BARD1: variants seen among roughly 807,000 people sequenced by gnomAD.
BARD1 encodes BRCA1-associated RING domain protein 1.
In BARD1, 73 loss-of-function variants were observed where a neutral mutation model predicts 77.0. The ratio of observed to expected loss-of-function variants is 0.95; its 90% confidence interval spans 0.79 to 1.15. The LOEUF is 1.15. Among genes scored for constraint, BARD1 ranks in the 50% most tolerant of loss-of-function variants. The probability of loss-of-function intolerance (pLI) is 0.00; values close to 1 mark genes in which losing one functional copy is unlikely to be tolerated. For missense variants in BARD1, 993 were observed against 938.8 expected (o/e 1.06, Z -0.75); for synonymous variants, 384 against 338.0 (o/e 1.14, Z -1.49).
Position 214,728,304 on chromosome 2 carries a change from C to CA in BARD1, c.*371dup. 5.3e-6 allele frequency: 1 copy of CA among 189,654 alleles called. No homozygotes were observed. The highest frequency in any genetic ancestry group is 1.0e-5 in the Non-Finnish European group (1 of 100,080). The allele number at this position is 189,654 out of a possible 1,614,324, so 11.7% of individuals were successfully genotyped here. On this transcript the variant is annotated 3_prime_UTR_variant, in exon 11 of 11. Transcript: ENST00000260947. ...ACTAAAAAAAAAAAAAAAAAAAAGG[C>CA]AAGTTTTTTCACTGGTGGCAGGTAT... is the stretch of plus-strand genomic sequence containing the variant.
chr2:214,741,451 C>A (rs1692823508), intron 9 of BARD1, among the ~76,000 whole-genome samples: 1 of 152,092 alleles, frequency 6.6e-6, no homozygotes, highest in African/African-American at 2.4e-5. Context: ...TAGTTTGCAT[C>A]TTTAGGATAC....
At chr2:214,788,324 T>C (rs957082249) in intron 3 of BARD1, among the ~76,000 whole-genome samples, 1 of 152,054 alleles carries the variant, frequency 6.6e-6, no homozygotes, top group Non-Finnish European at 1.5e-5. Flanking sequence ...GAAGATCATG[T>C]TATAAAGGAT....
intron 6 of BARD1, among the ~76,000 whole-genome samples, chr2:214,764,124 A>G (rs550033235): frequency 6.6e-6 from 1 of 152,222 alleles, no homozygotes; most frequent in African/African-American, 2.4e-5. Flanking sequence ...GTCACACAGT[A>G]AAGGTAGTGG....
intron 7 of BARD1, among the ~76,000 whole-genome samples, chr2:214,749,056 G>A (rs1410182743): frequency 6.6e-6 from 1 of 152,180 alleles, no homozygotes; most frequent in Non-Finnish European, 1.5e-5. Context: ...ACCAGGGGAA[G>A]GGGGTTAGAC....
intron 4 of BARD1, among the ~76,000 whole-genome samples, chr2:214,772,035 T>C (rs1033931688): frequency 6.6e-6 from 1 of 151,720 alleles, no homozygotes; most frequent in Non-Finnish European, 1.5e-5. Flanking sequence ...GGCATGATCA[T>C]AGCTCACTGT....
In BARD1 at chr2:214,728,979, G is replaced by A. The variant is rs573443019; in HGVS notation, c.2031C>T (p.Phe677=). 1.2e-6 allele frequency: 2 copies of A among 1,614,118 alleles called. No homozygotes were observed. The highest frequency in any genetic ancestry group is 1.7e-5 in the Admixed American group (1 of 60,014). The part of the protein sequence containing the change: ...LLPKLFDGCY[F]YLWGTFKHHP... The stretch of plus-strand genomic sequence containing the variant: ...GGTGTTTGAAGGTTCCCCACAAATA[G>A]AAGTAGCATCCATCAAACAGCTTTG... Residue 677 remains phenylalanine (F), a synonymous_variant, in exon 11 of 11, where the codon TTC becomes TTT. Coordinates refer to ENST00000260947, the MANE Select transcript of BARD1 (RefSeq NM_000465.4).
chr2:214,771,525 T>G (rs1233561815), intron 4 of BARD1, among the ~76,000 whole-genome samples: 1 of 151,990 alleles, frequency 6.6e-6, no homozygotes, highest in Non-Finnish European at 1.5e-5. Context: ...GTCAGGAGTT[T>G]GAGATCAGCC....
At position 214,781,369 on chromosome 2, in the gene BARD1, T is replaced by C. The variant is rs765494437; in HGVS notation, c.505A>G (p.Ile169Val). The change falls in exon 4 of 11, where the codon ATA becomes GTA. Residue 169 changes from isoleucine to valine, a missense_variant. By Grantham distance (29) the Ile-to-Val change is conservative. Transcript: ENST00000260947. Reference sequence around the variant, plus strand: ...TGCTGAGCACTTGCATCTTTTTTTATTGCAGGCTGGGTTTGCACTGAAGCT... The same window carrying C: ...TGCTGAGCACTTGCATCTTTTTTTACTGCAGGCTGGGTTTGCACTGAAGCT... ...SKASVQTQPA[I>V]KKDASAQQDS... 1 of 1,613,790 alleles carries C rather than the reference T, an allele frequency of 6.2e-7. No individual in the cohort carries two copies. The highest frequency in any genetic ancestry group is 8.5e-7 in the Non-Finnish European group (1 of 1,179,916).
rs1030105015 is a variant in BARD1, at chr2:214,805,822, A to G, written c.158+3590T>C. Among the ~76,000 whole-genome samples the G allele has an allele frequency of 3.9e-5, 6 of 152,188 alleles. No homozygotes were observed. The East Asian group carries it at 1.2e-3, about 29-fold the overall frequency. Reference sequence around the variant, plus strand: ...AAAGATTACTTTCTAACTTTTCATAAAAAGTTGATTAAAAAGGCCCACGTT... The same window carrying G: ...AAAGATTACTTTCTAACTTTTCATAGAAAGTTGATTAAAAAGGCCCACGTT... On this transcript the variant is annotated intron_variant, in intron 1 of 10. Coordinates refer to ENST00000260947, the MANE Select transcript of BARD1 (RefSeq NM_000465.4).
chr2:214,734,198 TTAA>T (rs1350655115), intron 9 of BARD1, among the ~76,000 whole-genome samples: 1 of 152,142 alleles, frequency 6.6e-6, no homozygotes, highest in East Asian at 1.9e-4. Context: ...GCTGGAAGTA[TTAA>T]TGATTTACAT....
At position 214,730,525 on chromosome 2, in the gene BARD1, A is replaced by T. The variant is rs1064795448; in HGVS notation, c.1904-17T>A. On this transcript the variant is annotated splice_polypyrimidine_tract_variant and intron_variant, in intron 9 of 10. Transcript: ENST00000260947. ...CTTTTACCCCTGACAAAAACACAAG[A>T]ATTAAAGCAAACTAAGTATCAAGTG... The T allele has an allele frequency of 3.1e-6, 5 of 1,590,578 alleles. No individual in the cohort carries two copies. The highest frequency in any genetic ancestry group is 2.6e-6 in the Non-Finnish European group (3 of 1,158,864).
At chr2:214,731,053 AAGCAGAGCTTG>A (rs1247532156) in intron 9 of BARD1, 7 of 320,254 alleles carry the variant, frequency 2.2e-5, no homozygotes. Flanking sequence ...TAAAATAAAC[AAGCAGAGCTTG>A]GGATAGGTTT....
rs778519204 is a variant in BARD1 at position 214,809,683 on chromosome 2, T to A, written c.-114A>T. 43 of 1,406,760 alleles carry A rather than the reference T, an allele frequency of 3.1e-5. No homozygotes were observed. The South Asian group carries it at 5.3e-4, about 17-fold the overall frequency. 87.1% of individuals were successfully genotyped at this position (1,406,760 alleles called of 1,614,324 possible). On this transcript the variant is annotated 5_prime_UTR_variant, in exon 1 of 11. Transcript: ENST00000260947. ...AAACCGGCCAAGCTCTTCCCGCGTC[T>A]GGGACGGCGGGCCGCCAGAGGGGCG...
chr2:214,781,030 A>G lies in BARD1; in HGVS notation c.844T>C (p.Leu282=), dbSNP rs1574819001. The G allele has an allele frequency of 6.2e-7, 1 of 1,612,340 alleles. No individual in the cohort carries two copies. Among genetic ancestry groups the G allele is most frequent in the Non-Finnish European group, 8.5e-7 (1 of 1,179,270 alleles). ...FGSLTEVSLP[L]AEQIESPDTK... ...TCTGGAGACTCTATTTGCTCAGCCA[A>G]TGGTAAAGAGACTTCAGTTAAACTT... is the stretch of plus-strand genomic sequence containing the variant. Residue 282 remains leucine, a synonymous_variant, in exon 4 of 11, where the codon TTG becomes CTG. Coordinates refer to ENST00000260947, the MANE Select transcript of BARD1 (RefSeq NM_000465.4).
At chr2:214,754,397 A>G (rs1017853390) in intron 6 of BARD1, among the ~76,000 whole-genome samples, 3 of 151,784 alleles carry the variant, frequency 2.0e-5, no homozygotes, top group Non-Finnish European at 4.4e-5. Context: ...TTTTTGACAG[A>G]GACAAACATA....
chr2:214,790,360 T>A (rs1200333443), intron 3 of BARD1, among the ~76,000 whole-genome samples: 1 of 152,068 alleles, frequency 6.6e-6, no homozygotes, highest in East Asian at 1.9e-4. Context: ...CTAGCTAAAA[T>A]GAAGCGATAC....
In BARD1 at chr2:214,767,259, G is replaced by A. The variant is rs1694246664; in HGVS notation, c.1568+223C>T. Among the ~76,000 whole-genome samples, 3 of 152,088 alleles carry A rather than the reference G, an allele frequency of 2.0e-5. No homozygotes were observed. In the South Asian group the frequency reaches 6.2e-4, roughly 32 times the overall value. ...CCCAATTATTTTTGATCTGCAGTTG[G>A]CTGAATCCTCAAGTGTAGAACCCAA... is the stretch of plus-strand genomic sequence containing the variant. On this transcript the variant is annotated intron_variant, in intron 6 of 10. Coordinates refer to ENST00000260947, the MANE Select transcript of BARD1 (RefSeq NM_000465.4).
intron 1 of BARD1, among the ~76,000 whole-genome samples, chr2:214,798,638 C>T (rs1695868582): frequency 6.6e-6 from 1 of 151,994 alleles, no homozygotes; most frequent in Non-Finnish European, 1.5e-5. Flanking sequence ...TAACTATTTC[C>T]AAGCCACCTT....
rs1291418423 is a variant in BARD1, at chr2:214,764,740, C to CTGCAGGAT, written c.1568+2734_1568+2741dup. 4.8e-4 allele frequency among the ~76,000 whole-genome samples: 73 copies of CTGCAGGAT among 152,256 alleles called. 1 individual carries two copies. The highest frequency in any genetic ancestry group is 3.3e-3 in the Admixed American group (50 of 15,288). On this transcript the variant is annotated intron_variant, in intron 6 of 10. Coordinates refer to ENST00000260947, the MANE Select transcript of BARD1 (RefSeq NM_000465.4). ...TCGTGTTCTTCTGCAGGTGCTCTGG[C>CTGCAGGAT]TGCAGGATGGAGAGTGAATAAAGAA...
Sources: gnomAD v4.1 joint callset for allele counts (sites outside exome capture counted in the v4.1 genomes callset) on GRCh38, gnomAD v4.1.1 for gene constraint, MANE v1.5 for transcripts, NCBI Gene and HGNC (gene_info 2026-07-23, HGNC 2026-07-21) for gene names.